Variants in CCDC85C observed in about 807,000 individuals in gnomAD.
CCDC85C encodes the protein coiled-coil domain-containing protein 85C.
A neutral mutation model predicts 38.3 loss-of-function variants in CCDC85C; 18 were observed. The ratio of observed to expected loss-of-function variants is 0.47; its 90% confidence interval spans 0.33 to 0.70. CCDC85C has a LOEUF of 0.70. Ranked by LOEUF, CCDC85C falls within the 30% of genes least tolerant of loss-of-function variation. CCDC85C has a pLI of 0.03. For synonymous variants in CCDC85C, 264 were observed against 293.8 expected, an observed-to-expected ratio of 0.90 and a Z score of 1.04; for missense variants, 566 against 621.2, an observed-to-expected ratio of 0.91 and a Z score of 0.94.
In CCDC85C at chr14:99,515,155, G is replaced by T; in HGVS notation, c.*91C>A. 2 of 889,488 alleles carry T rather than the reference G, an allele frequency of 2.2e-6. No homozygotes were observed. Among genetic ancestry groups the T allele is most frequent in the Non-Finnish European group, 3.5e-6 (2 of 570,600 alleles). 55.1% of individuals were successfully genotyped at this position (889,488 alleles called of 1,614,324 possible). On this transcript the variant is annotated 3_prime_UTR_variant, in exon 6 of 6. Transcript: ENST00000380243. The stretch of plus-strand genomic sequence containing the variant: ...GTTCACCACAGAGGAAGAAGACAGG[G>T]GCTGGGCTGGAGGTCCTGCCCGTGT...
At chr14:99,594,886 C>T (rs2055127183) in intron 1 of CCDC85C, among the ~76,000 whole-genome samples, 1 of 152,220 alleles carries the variant, frequency 6.6e-6, no homozygotes. Flanking sequence ...GACAAGGCCA[C>T]TCAGGCCCAG....
rs1274598710 is a variant in CCDC85C, at chr14:99,603,678, G to C, written c.282C>G (p.Asp94Glu). ...LRELCCFLDD[D>E]RQKGRKLARE... ...GCGCCAGCTTGCGCCCCTTCTGCCG[G>C]TCGTCGTCGAGGAAGCAGCAGAGCT... Residue 94 changes from aspartate to glutamate, a missense_variant, in exon 1 of 6, where the codon GAC becomes GAG. Asp to Glu is a conservative substitution (Grantham distance 45). This residue lies in a region of CCDC85C where 269 missense variants were observed against 308.2 expected (regional missense o/e 0.87). Coordinates refer to ENST00000380243, the MANE Select transcript of CCDC85C (RefSeq NM_001144995.2). The surrounding 1 kb of genome is among the most constrained non-coding windows in gnomAD (Gnocchi z 7.5). The C allele has an allele frequency of 4.0e-6, 6 of 1,495,048 alleles. No homozygotes were observed. Among genetic ancestry groups the C allele is most frequent in the Non-Finnish European group, 4.4e-6 (5 of 1,124,422 alleles). 92.6% of individuals were successfully genotyped at this position (1,495,048 alleles called of 1,614,324 possible). A position where few individuals can be genotyped will look rare whatever the true frequency, so the allele number is the denominator to read the frequency against.
In CCDC85C at chr14:99,604,008, T is replaced by C. The variant is rs907405373; in HGVS notation, c.-49A>G. 4,107 of 1,172,404 alleles carry C rather than the reference T, an allele frequency of 3.5e-3. 12 individuals carry two copies. Among genetic ancestry groups the C allele is most frequent in the Non-Finnish European group, 4.0e-3 (3,783 of 951,670 alleles). The allele number at this position is 1,172,404 out of a possible 1,614,324, so 72.6% of individuals were successfully genotyped here. On this transcript the variant is annotated 5_prime_UTR_variant, in exon 1 of 6. Transcript: ENST00000380243. ...GCCCTCGCCCTCGCCCGGCCGGCGC[T>C]TCCCCGCGCCGGGGCTCCGCTGGGC...
chr14:99,554,170 C>T (rs1279778248), intron 1 of CCDC85C, among the ~76,000 whole-genome samples: 1 of 152,208 alleles, frequency 6.6e-6, no homozygotes, highest in African/African-American at 2.4e-5. Flanking sequence ...TCAGCCCACA[C>T]CCTCAGCTCC....
rs111801080 is a variant in CCDC85C at position 99,544,518 on chromosome 14, C to G, written c.794-8430G>C. Among the ~76,000 whole-genome samples the G allele has an allele frequency of 2.6e-4, 39 of 147,862 alleles. No homozygotes were observed. The highest frequency in any genetic ancestry group is 8.8e-4 in the African/African-American group (34 of 38,760). On this transcript the variant is annotated intron_variant, in intron 1 of 5. Coordinates refer to ENST00000380243, the MANE Select transcript of CCDC85C (RefSeq NM_001144995.2). This position sits in a 1 kb window ranked among gnomAD's most constrained non-coding sequence, Gnocchi z 5.3. ...TGTGTGTGTGTGTGTGTGTGTGTGTCTGTGTGTCTGTGTGTTCCCACACCC... is the reference window on the plus strand; with the variant it reads ...TGTGTGTGTGTGTGTGTGTGTGTGTGTGTGTGTCTGTGTGTTCCCACACCC...
rs534035676 is a variant in CCDC85C at position 99,603,199 on chromosome 14, G to T, written c.761C>A (p.Pro254Gln). ...GCCGTTGGGGATGCTGCGGTGGTGC[G>T]GCGGCGCCGACAAGTCGTCCAGGGA... ...RRSLDDLSAP[P>Q]HHRSIPNGLH... Residue 254 changes from proline (P) to glutamine (Q), a missense_variant, in exon 1 of 6, where the codon CCG becomes CAG. By Grantham distance (76) the Pro-to-Gln change is moderately conservative. Around this residue, in one of 3 missense-constraint regions of CCDC85C, gnomAD observed 286 missense variants for 276.4 expected, o/e 1.03. Coordinates refer to ENST00000380243, the MANE Select transcript of CCDC85C (RefSeq NM_001144995.2). This position sits in a 1 kb window ranked among gnomAD's most constrained non-coding sequence, Gnocchi z 7.5. The T allele has an allele frequency of 7.0e-7, 1 of 1,426,204 alleles. No homozygotes were observed. The highest frequency in any genetic ancestry group is 9.2e-7 in the Non-Finnish European group (1 of 1,092,256). The allele number at this position is 1,426,204 out of a possible 1,614,324, so 88.3% of individuals were successfully genotyped here. A position where few individuals can be genotyped will look rare whatever the true frequency, so the allele number is the denominator to read the frequency against.
rs1357494938 is a variant in CCDC85C at position 99,569,560 on chromosome 14, G to A, written c.794-33472C>T. 6.6e-6 allele frequency among the ~76,000 whole-genome samples: 1 copy of A among 152,160 alleles called. No individual in the cohort carries two copies. Among genetic ancestry groups the A allele is most frequent in the Non-Finnish European group, 1.5e-5 (1 of 68,028 alleles). On this transcript the variant is annotated intron_variant, in intron 1 of 5. Transcript: ENST00000380243. This position sits in a 1 kb window ranked among gnomAD's most constrained non-coding sequence, Gnocchi z 4.3. Reference sequence around the variant, plus strand: ...ACCCAGGAAGGCTTTGAACAGACAAGAGACAGTGATTCAACGGTCCCAGGC... The same window carrying A: ...ACCCAGGAAGGCTTTGAACAGACAAAAGACAGTGATTCAACGGTCCCAGGC...
At position 99,572,519 on chromosome 14, in the gene CCDC85C, T is replaced by C. The variant is rs1898373417; in HGVS notation, c.793+30648A>G. 6.9e-6 allele frequency among the ~76,000 whole-genome samples: 1 copy of C among 145,608 alleles called. No homozygotes were observed. Among genetic ancestry groups the C allele is most frequent in the Admixed American group, 6.9e-5 (1 of 14,480 alleles). On this transcript the variant is annotated intron_variant, in intron 1 of 5. Coordinates refer to ENST00000380243, the MANE Select transcript of CCDC85C (RefSeq NM_001144995.2). This position sits in a 1 kb window ranked among gnomAD's most constrained non-coding sequence, Gnocchi z 4.4. ...GCTTTAGATAAAATCCCAACCCCAA[T>C]AGCTCCTCCTACCCTGCCCCCTTCG...
intron 2 of CCDC85C, among the ~76,000 whole-genome samples, chr14:99,531,876 A>T (rs1897501295): frequency 6.6e-6 from 1 of 152,216 alleles, no homozygotes; most frequent in Non-Finnish European, 1.5e-5. Flanking sequence ...ATTCCCAAAC[A>T]TAGTCACCCA....
intron 1 of CCDC85C, among the ~76,000 whole-genome samples, chr14:99,560,160 C>T (rs1052842271): frequency 6.6e-6 from 1 of 152,134 alleles, no homozygotes; most frequent in Non-Finnish European, 1.5e-5. Flanking sequence ...CCTTTCAGCC[C>T]AGAGTGGCCT....
Position 99,509,313 on chromosome 14 carries a change from C to T in CCDC85C, c.*5933G>A, listed in dbSNP as rs796236160. Reference sequence around the variant, plus strand: ...TACCTGTGGTGGGGTGTTGCGATGTCATTTTCCAGTGGTCTGACGGTGACC... The same window carrying T: ...TACCTGTGGTGGGGTGTTGCGATGTTATTTTCCAGTGGTCTGACGGTGACC... On this transcript the variant is annotated 3_prime_UTR_variant, in exon 6 of 6. Coordinates refer to ENST00000380243, the MANE Select transcript of CCDC85C (RefSeq NM_001144995.2). 7.2e-5 allele frequency: 11 copies of T among 152,392 alleles called. No homozygotes were observed. The highest frequency in any genetic ancestry group is 2.4e-4 in the African/African-American group (10 of 41,566). 9.4% of individuals were successfully genotyped at this position (152,392 alleles called of 1,614,324 possible).
intron 1 of CCDC85C, among the ~76,000 whole-genome samples, chr14:99,556,643 C>T (rs1898016182): frequency 6.6e-6 from 1 of 152,106 alleles, no homozygotes; most frequent in Non-Finnish European, 1.5e-5. Context: ...CCCACCTCAG[C>T]CTCTCAAAGA....
In CCDC85C at chr14:99,544,537, C is replaced by G. The variant is rs1290915449; in HGVS notation, c.794-8449G>C. Reference sequence around the variant, plus strand: ...GTGTGTCTGTGTGTCTGTGTGTTCCCACACCCAGGACTCTTCTAGACAACC... The same window carrying G: ...GTGTGTCTGTGTGTCTGTGTGTTCCGACACCCAGGACTCTTCTAGACAACC... On this transcript the variant is annotated intron_variant, in intron 1 of 5. Coordinates refer to ENST00000380243, the MANE Select transcript of CCDC85C (RefSeq NM_001144995.2). The surrounding 1 kb of genome is among the most constrained non-coding windows in gnomAD (Gnocchi z 5.3). Among the ~76,000 whole-genome samples, 1 of 152,016 alleles carries G rather than the reference C, an allele frequency of 6.6e-6. No homozygotes were observed. Among genetic ancestry groups the G allele is most frequent in the East Asian group, 1.9e-4 (1 of 5,160 alleles).
intron 1 of CCDC85C, among the ~76,000 whole-genome samples, chr14:99,601,602 G>A (rs948346251): frequency 2.9e-4 from 44 of 152,122 alleles, no homozygotes; most frequent in Non-Finnish European, 5.9e-4. Flanking sequence ...TAGGGAAACC[G>A]AGGCCCAGAT....
At chr14:99,577,648 G>T (rs146368918) in intron 1 of CCDC85C, among the ~76,000 whole-genome samples, 1 of 151,694 alleles carries the variant, frequency 6.6e-6, no homozygotes, top group Admixed American at 6.6e-5. Flanking sequence ...ATGTATCCAT[G>T]CCCATACAGC....
At chr14:99,547,059 T>A (rs1230022919) in intron 1 of CCDC85C, among the ~76,000 whole-genome samples, 1 of 152,032 alleles carries the variant, frequency 6.6e-6, no homozygotes, top group Non-Finnish European at 1.5e-5. Flanking sequence ...TGGTGGTACA[T>A]GCTTGTAGGC....
chr14:99,575,588 AG>A (rs1402806334), intron 1 of CCDC85C, among the ~76,000 whole-genome samples: 4 of 152,250 alleles, frequency 2.6e-5, no homozygotes, highest in Non-Finnish European at 4.4e-5. Context: ...AATGGACAAC[AG>A]GGTGGCAGCC....
At chr14:99,575,261 G>A (rs1319385892) in intron 1 of CCDC85C, among the ~76,000 whole-genome samples, 4 of 152,200 alleles carry the variant, frequency 2.6e-5, no homozygotes, top group Admixed American at 1.3e-4. Context: ...TAGTGACTGC[G>A]CCAGGGGAGT....
At chr14:99,524,033 T>A in intron 2 of CCDC85C, among the ~76,000 whole-genome samples, 1 of 63,338 alleles carries the variant, frequency 1.6e-5, no homozygotes, top group East Asian at 5.9e-4. Context: ...CCCCACCCCA[T>A]CAGAGCCACC....
Sources: allele counts gnomAD v4.1 joint callset (sites outside exome capture counted in the v4.1 genomes callset), GRCh38; gene constraint gnomAD v4.1.1; regional missense constraint gnomAD v4.1.1; non-coding constraint Gnocchi (gnomAD v3.1); transcripts MANE v1.5; gene names NCBI Gene and HGNC (gene_info 2026-07-23, HGNC 2026-07-21).